The following RNF216 variants were observed in gnomAD, a reference collection of about 807,000 sequenced individuals.
RNF216 encodes the protein ring finger protein 216.
RNF216 carries 72 observed loss-of-function variants against 110.8 expected under a neutral mutation model. The observed-to-expected ratio is 0.65, with a 90% CI of 0.54 to 0.79. The LOEUF (loss-of-function observed/expected upper bound fraction) is 0.79, where lower values mean the gene tolerates loss of function less well. Ranked by LOEUF, RNF216 falls within the 30% of genes least tolerant of loss-of-function variation. The pLI is 0.00. For synonymous variants in RNF216, 495 were observed against 407.5 expected, an observed-to-expected ratio of 1.21 and a Z score of -2.59; for missense variants, 1,342 against 1,141.2, an observed-to-expected ratio of 1.18 and a Z score of -2.54.
intron 13 of RNF216, among the ~76,000 whole-genome samples, chr7:5,702,609 T>C (rs545314789): frequency 7.2e-5 from 11 of 152,302 alleles, no homozygotes; most frequent in African/African-American, 2.4e-4. Flanking sequence ...ATCTACTCTA[T>C]GCTGTATTTA....
chr7:5,660,080 G>T (rs980362816), intron 13 of RNF216, among the ~76,000 whole-genome samples: 1 of 149,918 alleles, frequency 6.7e-6, no homozygotes, highest in Non-Finnish European at 1.5e-5. Flanking sequence ...TCTATCTTCC[G>T]AGTAGCTCGG....
chr7:5,680,837 T>TC lies in RNF216; in HGVS notation c.2062-28328dup, dbSNP rs1790607115. ...GGCTGCTCATGCAACAAAACCCAAT[T>TC]CCTCCTTTCTCTTTACCCCCACTCA... is the stretch of plus-strand genomic sequence containing the variant. On this transcript the variant is annotated intron_variant, in intron 13 of 16. Coordinates refer to ENST00000389902, the MANE Select transcript of RNF216 (RefSeq NM_207111.4). This position sits in a 1 kb window ranked among gnomAD's most constrained non-coding sequence, Gnocchi z 4.3. Among the ~76,000 whole-genome samples, 1 of 151,876 alleles carries TC rather than the reference T, an allele frequency of 6.6e-6. No individual in the cohort carries two copies.
At chr7:5,743,363 T>G (rs954342944) in intron 3 of RNF216, among the ~76,000 whole-genome samples, 3 of 152,164 alleles carry the variant, frequency 2.0e-5, no homozygotes, top group African/African-American at 7.2e-5. Flanking sequence ...AAAGGGCATA[T>G]ACAAGAATAT....
At chr7:5,744,507 C>A (rs961245081) in intron 3 of RNF216, among the ~76,000 whole-genome samples, 5 of 152,060 alleles carry the variant, frequency 3.3e-5, no homozygotes, top group African/African-American at 1.2e-4. Context: ...TTCAAATAAC[C>A]ATTCGAACTA....
chr7:5,662,726 A>G (rs34505462), intron 13 of RNF216, among the ~76,000 whole-genome samples: 20 of 152,238 alleles, frequency 1.3e-4, no homozygotes, highest in African/African-American at 3.6e-4. Flanking sequence ...TCACAAACAG[A>G]TAACTGTATA....
intron 1 of RNF216, among the ~76,000 whole-genome samples, chr7:5,766,489 C>T (rs2128675872): frequency 6.6e-6 from 1 of 151,830 alleles, no homozygotes; most frequent in Non-Finnish European, 1.5e-5. Context: ...TGGCTGGGCA[C>T]TCTGAGAAGA....
intron 1 of RNF216, among the ~76,000 whole-genome samples, chr7:5,781,290 G>C (rs530890598): frequency 6.6e-6 from 1 of 152,224 alleles, no homozygotes; most frequent in African/African-American, 2.4e-5. Context: ...GCGAAGTGGC[G>C]AGAGGGGGCC....
intron 6 of RNF216, among the ~76,000 whole-genome samples, chr7:5,729,881 T>C (rs1793986346): frequency 6.6e-6 from 1 of 152,212 alleles, no homozygotes; most frequent in Non-Finnish European, 1.5e-5. Context: ...AACAACTATT[T>C]TTTTTCTATT....
intron 13 of RNF216, among the ~76,000 whole-genome samples, chr7:5,657,578 A>T (rs1216349210): frequency 6.6e-6 from 1 of 151,960 alleles, no homozygotes; most frequent in Non-Finnish European, 1.5e-5. Context: ...AAAAAAAAAA[A>T]TAATAAAATA....
chr7:5,694,157 A>G (rs142503768), intron 13 of RNF216, among the ~76,000 whole-genome samples: 2 of 152,326 alleles, frequency 1.3e-5, no homozygotes, highest in African/African-American at 4.8e-5. Flanking sequence ...AAGAATCCAG[A>G]AAGGTCTTAC....
intron 13 of RNF216, among the ~76,000 whole-genome samples, chr7:5,663,217 C>T (rs1030854652): frequency 5.3e-5 from 8 of 152,224 alleles, no homozygotes; most frequent in African/African-American, 1.4e-4. Flanking sequence ...GCGCTCCTTG[C>T]GGCAAAGATG....
chr7:5,775,071 C>G (rs1796702507), intron 1 of RNF216: 2 of 152,114 alleles, frequency 1.3e-5, no homozygotes, highest in African/African-American at 4.8e-5. Context: ...AGTTGTATTT[C>G]CAATGCCTAG....
chr7:5,763,447 G>A (rs540884057), intron 1 of RNF216, among the ~76,000 whole-genome samples: 6 of 151,974 alleles, frequency 3.9e-5, no homozygotes, highest in South Asian at 2.1e-4. Flanking sequence ...CCGGGCCAAC[G>A]TGGTGAAACC....
intron 13 of RNF216, among the ~76,000 whole-genome samples, chr7:5,707,888 G>C (rs1188131956): frequency 6.6e-6 from 1 of 152,076 alleles, no homozygotes. Context: ...ACCACACCCA[G>C]CTAAATTTTT....
intron 3 of RNF216, among the ~76,000 whole-genome samples, chr7:5,743,701 G>A (rs1469913569): frequency 6.6e-6 from 1 of 152,174 alleles, no homozygotes; most frequent in African/African-American, 2.4e-5. Flanking sequence ...AGACCTGGAA[G>A]GATACATGCT....
intron 3 of RNF216, among the ~76,000 whole-genome samples, chr7:5,748,577 TTATTA>T (rs1431937057): frequency 2.6e-5 from 4 of 151,080 alleles, no homozygotes; most frequent in East Asian, 1.9e-4. Flanking sequence ...TCAGCTTACT[TTATTA>T]TAAGAATGCA....
chr7:5,625,372 G>C (rs56046509), intron 15 of RNF216, among the ~76,000 whole-genome samples: 1,833 of 152,278 alleles, frequency 0.012, 31 homozygotes, highest in African/African-American at 0.043. Flanking sequence ...TCCTAGACAC[G>C]GCGTCAGAGC....
Position 5,621,894 on chromosome 7 carries a change from C to G in RNF216, c.*966G>C, listed in dbSNP as rs1002862308. 1.3e-5 allele frequency: 2 copies of G among 152,438 alleles called. No individual in the cohort carries two copies. Among genetic ancestry groups the G allele is most frequent in the South Asian group, 2.1e-4 (1 of 4,820 alleles). The allele number at this position is 152,438 out of a possible 1,614,324, so 9.4% of individuals were successfully genotyped here. On this transcript the variant is annotated 3_prime_UTR_variant, in exon 17 of 17. Transcript: ENST00000389902. ...GGAAGTGACCTTCACATGGGGGATA[C>G]TGGACAGCACCCTCTACCTGCCTTC...
chr7:5,692,394 A>C (rs1271671203), intron 13 of RNF216, among the ~76,000 whole-genome samples: 1 of 152,252 alleles, frequency 6.6e-6, no homozygotes, highest in East Asian at 1.9e-4. Context: ...CGGGTGAATC[A>C]GAACCCATCC....
Sources: gnomAD v4.1 joint callset for allele counts (sites outside exome capture counted in the v4.1 genomes callset) on GRCh38, gnomAD v4.1.1 for gene constraint, Gnocchi (gnomAD v3.1) non-coding constraint, MANE v1.5 for transcripts, NCBI Gene and HGNC (gene_info 2026-07-23, HGNC 2026-07-21) for gene names.